Variants in PCDH15 observed in about 807,000 individuals in gnomAD.
PCDH15 encodes protocadherin-15.
Under a neutral mutation model 178.5 loss-of-function variants are expected in PCDH15, and 129 were observed. The observed-to-expected ratio is 0.72, with a 90% confidence interval of 0.63 to 0.84. The LOEUF is 0.84. PCDH15 is among the 40% of genes least tolerant of loss of function. PCDH15 has a pLI of 0.00. For missense variants in PCDH15, 2,230 were observed against 2,099.9 expected, an observed-to-expected ratio of 1.06 and a Z score of -1.21; for synonymous variants, 800 against 732.0, an observed-to-expected ratio of 1.09 and a Z score of -1.50.
intron 1 of PCDH15, among the ~76,000 whole-genome samples, chr10:55,192,295 T>C (rs1042005354): frequency 6.6e-6 from 1 of 151,854 alleles, no homozygotes; most frequent in Non-Finnish European, 1.5e-5. Context: ...AGATGGCTTA[T>C]GTTATGAGAC....
intron 3 of PCDH15, among the ~76,000 whole-genome samples, chr10:54,859,346 T>C (rs1416768866): frequency 6.6e-6 from 1 of 152,108 alleles, no homozygotes; most frequent in Non-Finnish European, 1.5e-5. Context: ...AATTTTTATA[T>C]CTTCTTTTTC....
At chr10:53,821,193 T>A in intron 32 of PCDH15, 1 of 975,828 alleles carries the variant, frequency 1.0e-6, no homozygotes, top group Non-Finnish European at 1.2e-6. Flanking sequence ...AAGTATAAGA[T>A]TTATCAAATC....
chr10:53,807,746 T>TACTA (rs376465798), intron 37 of PCDH15, among the ~76,000 whole-genome samples: 104 of 152,262 alleles, frequency 6.8e-4, no homozygotes, highest in Middle Eastern at 6.8e-3. Context: ...CATTTAGATA[T>TACTA]ACTAACTTAA....
At chr10:54,538,905 T>C (rs2084878893) in intron 2 of PCDH15, among the ~76,000 whole-genome samples, 1 of 152,170 alleles carries the variant, frequency 6.6e-6, no homozygotes, top group Non-Finnish European at 1.5e-5. Flanking sequence ...CTTTGTCTAT[T>C]TGGGTTCTTT....
intron 2 of PCDH15, among the ~76,000 whole-genome samples, chr10:55,028,592 T>A (rs1840532524): frequency 6.6e-6 from 1 of 151,984 alleles, no homozygotes; most frequent in Admixed American, 6.6e-5. Context: ...CTAGCCAATA[T>A]CCAGACTTCG....
At chr10:54,779,264 C>CAGA (rs1156457564) in intron 1 of PCDH15, among the ~76,000 whole-genome samples, 1 of 150,592 alleles carries the variant, frequency 6.6e-6, no homozygotes, top group African/African-American at 2.4e-5. Flanking sequence ...GGTTACTGAC[C>CAGA]AGAACTCTGC....
chr10:55,075,032 C>T (rs534311773), intron 2 of PCDH15, among the ~76,000 whole-genome samples: 10 of 152,142 alleles, frequency 6.6e-5, no homozygotes, highest in African/African-American at 9.6e-5. Context: ...CGTAGATGTG[C>T]GGTCTTACGT....
chr10:54,390,035 C>T (rs757797945), intron 3 of PCDH15, among the ~76,000 whole-genome samples: 1 of 152,150 alleles, frequency 6.6e-6, no homozygotes, highest in Non-Finnish European at 1.5e-5. Flanking sequence ...AAAGTTCAGA[C>T]ATTTTGACTT....
intron 8 of PCDH15, among the ~76,000 whole-genome samples, chr10:54,308,379 G>A (rs1303238483): frequency 6.6e-6 from 1 of 152,084 alleles, no homozygotes; most frequent in Non-Finnish European, 1.5e-5. Flanking sequence ...CAGCAGAATA[G>A]TGACTTTGTT....
intron 25 of PCDH15, among the ~76,000 whole-genome samples, chr10:53,908,168 A>G (rs549524795): frequency 1.3e-5 from 2 of 152,334 alleles, no homozygotes; most frequent in South Asian, 2.1e-4. Context: ...AGGGGAACGT[A>G]GTGCTACTGG....
chr10:54,885,916 T>A (rs1360415983), intron 3 of PCDH15, among the ~76,000 whole-genome samples: 1 of 152,264 alleles, frequency 6.6e-6, no homozygotes, highest in Admixed American at 6.5e-5. Flanking sequence ...GCTTTCCTTA[T>A]TAAATTTTCA....
chr10:55,065,270 G>A (rs992725732), intron 2 of PCDH15, among the ~76,000 whole-genome samples: 1 of 151,858 alleles, frequency 6.6e-6, no homozygotes, highest in African/African-American at 2.4e-5. Context: ...TTATCCTCTA[G>A]CACAATGTCC....
rs182238766 is a variant in PCDH15 at position 54,389,245 on chromosome 10, T to C, written c.158-10303A>G. 2.4e-3 allele frequency among the ~76,000 whole-genome samples: 368 copies of C among 152,330 alleles called. 5 individuals are homozygous for C. The highest frequency in any genetic ancestry group is 1.2e-3 in the East Asian group (6 of 5,178). The stretch of plus-strand genomic sequence containing the variant: ...TTGTTAAATCTTGCTGAAGTGCATG[T>C]CCTCTGGTTATCTTAGAAGTGTATA... On this transcript the variant is annotated intron_variant, in intron 3 of 37. Transcript: ENST00000644397.
intron 2 of PCDH15, among the ~76,000 whole-genome samples, chr10:55,511,164 C>G (rs1378860168): frequency 6.6e-6 from 1 of 151,750 alleles, no homozygotes. Context: ...TGAGTCACCA[C>G]ACGTCTTATT....
At chr10:54,337,373 A>T (rs757089244) in intron 6 of PCDH15, among the ~76,000 whole-genome samples, 35 of 152,014 alleles carry the variant, frequency 2.3e-4, no homozygotes, top group Admixed American at 9.2e-4. Flanking sequence ...CTGAATCCCC[A>T]CCCAAATCTC....
intron 32 of PCDH15, chr10:53,823,328 G>C: frequency 6.2e-7 from 1 of 1,613,762 alleles, no homozygotes; most frequent in Non-Finnish European, 8.5e-7. Context: ...TATTTCCCCT[G>C]CTTTGTTGAA....
rs191922456 is a variant in PCDH15, at chr10:55,560,554, C to T, written c.-156+67071G>A. ...CTTAGGAAATCCCAGATGATTATGA[C>T]ACCATATATCCAAAAGTAAGCATTT... On this transcript the variant is annotated intron_variant, in intron 2 of 5. Transcript: ENST00000613346. Among the ~76,000 whole-genome samples, 336 of 152,014 alleles carry T rather than the reference C, an allele frequency of 2.2e-3. 5 individuals are homozygous for T. The highest frequency in any genetic ancestry group is 1.2e-3 in the Non-Finnish European group (83 of 67,864).
chr10:54,893,710 GTAA>G (rs1185191319), intron 3 of PCDH15, among the ~76,000 whole-genome samples: 2 of 151,968 alleles, frequency 1.3e-5, no homozygotes, highest in African/African-American at 4.8e-5. Context: ...AAAATAAAGA[GTAA>G]TAATTTCCCA....
At chr10:54,754,768 A>C (rs1460015278) in intron 1 of PCDH15, among the ~76,000 whole-genome samples, 4 of 152,152 alleles carry the variant, frequency 2.6e-5, no homozygotes, top group Non-Finnish European at 5.9e-5. Context: ...GGACATAACC[A>C]ATTATAATGT....
Sources: allele counts gnomAD v4.1 joint callset (sites outside exome capture counted in the v4.1 genomes callset), GRCh38; gene constraint gnomAD v4.1.1; transcripts MANE v1.5; gene names NCBI Gene and HGNC (gene_info 2026-07-23, HGNC 2026-07-21).